The following PSMD13 variants were observed in gnomAD, a reference collection of about 807,000 sequenced individuals.
PSMD13 encodes the protein 26S proteasome non-ATPase regulatory subunit 13.
A neutral mutation model predicts 57.4 loss-of-function variants in PSMD13; 8 were observed. The ratio of observed to expected loss-of-function variants is 0.14; its 90% confidence interval spans 0.08 to 0.25. The LOEUF is 0.25. PSMD13 is among the 10% of genes least tolerant of loss of function. The probability of loss-of-function intolerance (pLI) is 1.00; values close to 1 mark genes in which losing one functional copy is unlikely to be tolerated. For missense variants in PSMD13, 400 were observed against 461.5 expected, an observed-to-expected ratio of 0.87 and a Z score of 1.22; for synonymous variants, 193 against 168.2, an observed-to-expected ratio of 1.15 and a Z score of -1.14.
In PSMD13 at chr11:251,519, T is replaced by A. The variant is rs772100804; in HGVS notation, c.838-27T>A. The A allele has an allele frequency of 6.4e-7, 1 of 1,560,824 alleles. No homozygotes were observed. The highest frequency in any genetic ancestry group is 2.3e-5 in the East Asian group (1 of 43,564). Reference sequence around the variant, plus strand: ...TCTATTTTTATTTGGAAAAATAGTTTAAAATAGTTAATAAAATTTTTTCCA... The same window carrying A: ...TCTATTTTTATTTGGAAAAATAGTTAAAAATAGTTAATAAAATTTTTTCCA... On this transcript the variant is annotated intron_variant, in intron 10 of 12. Transcript: ENST00000532097. The surrounding 1 kb of genome is among the most constrained non-coding windows in gnomAD (Gnocchi z 4.6).
intron 9 of PSMD13, among the ~76,000 whole-genome samples, chr11:249,561 G>A (rs888512883): frequency 1.2e-3 from 141 of 120,266 alleles, no homozygotes; most frequent in Non-Finnish European, 2.1e-3. Flanking sequence ...GGAGAGCGGC[G>A]GGTGCGGGGA....
intron 6 of PSMD13, among the ~76,000 whole-genome samples, chr11:245,680 GTTTGCATGTGTGTTCGTGTGTT>G (rs1447204364): frequency 6.0e-5 from 7 of 116,974 alleles, no homozygotes; most frequent in South Asian, 2.7e-4. Context: ...GTGTGTGTGT[GTTTGCATGTGTGTTCGTGTGTT>G]TGTGTGTGTT....
In PSMD13 at chr11:251,432, G is replaced by T; in HGVS notation, c.838-114G>T. 3 of 888,434 alleles carry T rather than the reference G, an allele frequency of 3.4e-6. No individual in the cohort carries two copies. The South Asian group carries it at 5.2e-5, about 15-fold the overall frequency. The allele number at this position is 888,434 out of a possible 1,614,324, so 55.0% of individuals were successfully genotyped here. A position where few individuals can be genotyped will look rare whatever the true frequency, so the allele number is the denominator to read the frequency against. ...CTAATATTAGGAAACTTTTTAGTAT[G>T]TGGGGTACTAATAAGATCTCTATTT... On this transcript the variant is annotated intron_variant, in intron 10 of 12. Transcript: ENST00000532097. This position sits in a 1 kb window ranked among gnomAD's most constrained non-coding sequence, Gnocchi z 4.6.
rs1177157911 is a variant in PSMD13 at position 247,385 on chromosome 11, C to T, written c.505C>T (p.His169Tyr). ...SSKYYQTIGN[H>Y]ASYYKDALRF... The stretch of plus-strand genomic sequence containing the variant: ...TAAATACTATCAAACAATCGGAAAC[C>T]ACGCGTCCTACTACAAAGATGCTCT... The change falls in exon 7 of 13, where the codon CAC becomes TAC. Residue 169 changes from histidine to tyrosine, a missense_variant. Transcript: ENST00000532097. 1.2e-6 allele frequency: 2 copies of T among 1,614,138 alleles called. No individual in the cohort carries two copies. Among genetic ancestry groups the T allele is most frequent in the Admixed American group, 1.7e-5 (1 of 60,014 alleles).
rs976862706 is a variant in PSMD13 at position 251,167 on chromosome 11, G to T, written c.837+302G>T. On this transcript the variant is annotated intron_variant, in intron 10 of 12. Transcript: ENST00000532097. This position sits in a 1 kb window ranked among gnomAD's most constrained non-coding sequence, Gnocchi z 4.6. ...CCCGTGATGCAGTTGTTGCCTCATTGCATGTCGCTTCTTGTGTACACGCAC... is the reference window on the plus strand; with the variant it reads ...CCCGTGATGCAGTTGTTGCCTCATTTCATGTCGCTTCTTGTGTACACGCAC... The T allele has an allele frequency of 4.3e-6, 2 of 463,164 alleles. No individual in the cohort carries two copies. The highest frequency in any genetic ancestry group is 7.9e-6 in the Non-Finnish European group (2 of 254,048). The allele number at this position is 463,164 out of a possible 1,614,324, so 28.7% of individuals were successfully genotyped here.
intron 7 of PSMD13, 73 bp from the exon 8 acceptor site, chr11:248,703 T>C (rs908906346): frequency 1.4e-6 from 2 of 1,404,306 alleles, no homozygotes; most frequent in South Asian, 1.2e-5. Context: ...CTTTTTGTTA[T>C]ATGAGATTTT....
chr11:241,544 C>A (rs1392212066), intron 2 of PSMD13, among the ~76,000 whole-genome samples: 1 of 152,200 alleles, frequency 6.6e-6, no homozygotes, highest in Non-Finnish European at 1.5e-5. Flanking sequence ...AGAGGAACTA[C>A]AGGCTCTCCT....
chr11:243,907 G>C lies in PSMD13; in HGVS notation c.175-134G>C, dbSNP rs1859575536. The stretch of plus-strand genomic sequence containing the variant: ...TGCAAACATGCATTGCTTACTGTGT[G>C]CTGGGCACTGTGGCTTGCACACTCC... On this transcript the variant is annotated intron_variant, in intron 2 of 12. Transcript: ENST00000532097. 34 of 786,358 alleles carry C rather than the reference G, an allele frequency of 4.3e-5. 1 individual carries two copies. The South Asian group carries it at 5.3e-4, about 12-fold the overall frequency. The allele number at this position is 786,358 out of a possible 1,614,324, so 48.7% of individuals were successfully genotyped here.
At chr11:240,147 T>G (rs557431404) in intron 2 of PSMD13, among the ~76,000 whole-genome samples, 58 of 138,584 alleles carry the variant, frequency 4.2e-4, no homozygotes, top group African/African-American at 1.4e-3. Context: ...TTCGCTCTTG[T>G]TGCCCGGGCT....
intron 7 of PSMD13, 54 bp downstream of exon 7, chr11:247,502 C>T: frequency 6.4e-7 from 1 of 1,571,954 alleles, no homozygotes; most frequent in Admixed American, 1.8e-5. Context: ...CCAAACTTAG[C>T]ATCTGTGAGT....
chr11:251,939 G>A lies in PSMD13; in HGVS notation c.1035+3G>A, dbSNP rs376365222. The stretch of plus-strand genomic sequence containing the variant: ...CCCGAGTGTTGGATTTGCAACAGGT[G>A]ATGTGTTTGAAACCCATTATTCACC... On this transcript the variant is annotated splice_donor_region_variant and intron_variant, in intron 12 of 12. Coordinates refer to ENST00000532097, the MANE Select transcript of PSMD13 (RefSeq NM_002817.4). This position sits in a 1 kb window ranked among gnomAD's most constrained non-coding sequence, Gnocchi z 4.6. 1.0e-4 allele frequency: 167 copies of A among 1,611,826 alleles called. No homozygotes were observed. Among genetic ancestry groups the A allele is most frequent in the Non-Finnish European group, 1.3e-4 (151 of 1,178,092 alleles).
rs1475173613 is a variant in PSMD13 at position 244,179 on chromosome 11, C to T, written c.228C>T (p.Leu76=). ...ATTTCAGGGTGAACCCTTTGTCCCT[C>T]GTGGAAATCATTCTTCATGTAGTTA... ...EFEHRVNPLS[L]VEIILHVVRQ... The change falls in exon 4 of 13, where the codon CTC becomes CTT. Residue 76 remains leucine (L), a synonymous_variant. Transcript: ENST00000532097. 35 of 1,609,668 alleles carry T rather than the reference C, an allele frequency of 2.2e-5. No individual in the cohort carries two copies. The highest frequency in any genetic ancestry group is 4.5e-5 in the East Asian group (2 of 44,788).
chr11:248,832 G>C lies in PSMD13; in HGVS notation c.625G>C (p.Gly209Arg). Reference sequence around the variant, plus strand: ...GGGGCTAGCAGGACTTCTCGGCGAGGGAGTTTTTAACTTTGGAGAACTCGT... The same window carrying C: ...GGGGCTAGCAGGACTTCTCGGCGAGCGAGTTTTTAACTTTGGAGAACTCGT... The part of the protein sequence containing the change: ...TLGLAGLLGE[G>R]VFNFGELLMH... Residue 209 changes from glycine (G) to arginine (R), a missense_variant, in exon 8 of 13, where the codon GGA becomes CGA. Physicochemically the swap from Gly to Arg is moderately radical, Grantham distance 125 (BLOSUM62 -2). Transcript: ENST00000532097. 6.2e-7 allele frequency: 1 copy of C among 1,614,138 alleles called. No homozygotes were observed. The highest frequency in any genetic ancestry group is 1.1e-5 in the South Asian group (1 of 91,072).
At chr11:242,119 C>T (rs1859528617) in intron 2 of PSMD13, among the ~76,000 whole-genome samples, 1 of 138,528 alleles carries the variant, frequency 7.2e-6, no homozygotes, top group Admixed American at 7.0e-5. Context: ...TTGGCTGATG[C>T]ACTTCTGCCC....
At chr11:243,090 G>C in intron 2 of PSMD13, 1 of 501,304 alleles carries the variant, frequency 2.0e-6, no homozygotes, top group South Asian at 1.8e-5. Context: ...CACTGCGCCC[G>C]GATGGTTACG....
chr11:242,142 T>G (rs1859529595), intron 2 of PSMD13, among the ~76,000 whole-genome samples: 1 of 151,110 alleles, frequency 6.6e-6, no homozygotes. Context: ...TTTTTTTTCT[T>G]TCTTTCTTTT....
chr11:249,098 T>G (rs372193426), intron 9 of PSMD13, 41 bp downstream of exon 9: 2 of 1,603,376 alleles, frequency 1.2e-6, no homozygotes, highest in Non-Finnish European at 1.7e-6. Flanking sequence ...CCCCCATGTA[T>G]CTACTCGCTC....
Position 251,447 on chromosome 11 carries a change from G to T in PSMD13, c.838-99G>T. The T allele has an allele frequency of 9.4e-7, 1 of 1,061,560 alleles. No homozygotes were observed. The allele number at this position is 1,061,560 out of a possible 1,614,324, so 65.8% of individuals were successfully genotyped here. A position where few individuals can be genotyped will look rare whatever the true frequency, so the allele number is the denominator to read the frequency against. ...TTTTTAGTATGTGGGGTACTAATAAGATCTCTATTTTCAGAGCCAATATTG... is the reference window on the plus strand; with the variant it reads ...TTTTTAGTATGTGGGGTACTAATAATATCTCTATTTTCAGAGCCAATATTG... On this transcript the variant is annotated intron_variant, in intron 10 of 12. Coordinates refer to ENST00000532097, the MANE Select transcript of PSMD13 (RefSeq NM_002817.4). The surrounding 1 kb of genome is among the most constrained non-coding windows in gnomAD (Gnocchi z 4.6).
In PSMD13 at chr11:247,377, T is replaced by A; in HGVS notation, c.497T>A (p.Ile166Asn). 1 of 1,474,088 alleles carries A rather than the reference T, an allele frequency of 6.8e-7. No individual in the cohort carries two copies. Among genetic ancestry groups the A allele is most frequent in the Non-Finnish European group, 9.2e-7 (1 of 1,091,020 alleles). 91.3% of individuals were successfully genotyped at this position (1,474,088 alleles called of 1,614,324 possible). A position where few individuals can be genotyped will look rare whatever the true frequency, so the allele number is the denominator to read the frequency against. ...YDLSSKYYQT[I>N]GNHASYYKDA... is the part of the protein sequence containing the mutation. ...CTCTCCAGTAAATACTATCAAACAA[T>A]CGGAAACCACGCGTCCTACTACAAA... The change falls in exon 7 of 13, where the codon ATC becomes AAC. Residue 166 changes from isoleucine (I) to asparagine (N), a missense_variant. Ile to Asn is a moderately radical substitution (Grantham distance 149). Coordinates refer to ENST00000532097, the MANE Select transcript of PSMD13 (RefSeq NM_002817.4).
Sources: gnomAD v4.1 joint callset for allele counts (sites outside exome capture counted in the v4.1 genomes callset) on GRCh38, gnomAD v4.1.1 for gene constraint, Gnocchi (gnomAD v3.1) non-coding constraint, MANE v1.5 for transcripts, NCBI Gene and HGNC (gene_info 2026-07-23, HGNC 2026-07-21) for gene names.